Variants in EPB41L4A observed in about 807,000 individuals in gnomAD.
The protein encoded by EPB41L4A is erythrocyte membrane protein band 4.1 like 4A.
A neutral mutation model predicts 108.6 loss-of-function variants in EPB41L4A; 100 were observed. The observed-to-expected ratio is 0.92, with a 90% CI of 0.78 to 1.09. The LOEUF is 1.09. Among genes scored for constraint, EPB41L4A ranks in the 50% least tolerant of loss-of-function variants. The pLI, the probability that EPB41L4A is intolerant of heterozygous loss-of-function variation, is 0.00. For synonymous variants in EPB41L4A, 319 were observed against 289.0 expected, an observed-to-expected ratio of 1.10 and a Z score of -1.05; for missense variants, 1,030 against 842.7, an observed-to-expected ratio of 1.22 and a Z score of -2.75.
chr5:112,190,891 A>AG (rs1390587365), intron 17 of EPB41L4A, among the ~76,000 whole-genome samples: 1 of 151,970 alleles, frequency 6.6e-6, no homozygotes, highest in East Asian at 1.9e-4. Context: ...GAAGAAAGAA[A>AG]AAAGACTGGA....
chr5:112,291,496 TTGGGAG>T (rs1426925055), intron 2 of EPB41L4A, among the ~76,000 whole-genome samples: 1 of 152,218 alleles, frequency 6.6e-6, no homozygotes, highest in Non-Finnish European at 1.5e-5. Flanking sequence ...TGTTGAAATG[TTGGGAG>T]TGTTAGGCCT....
chr5:112,271,270 A>C (rs1404072946), intron 4 of EPB41L4A, among the ~76,000 whole-genome samples: 2 of 152,212 alleles, frequency 1.3e-5, no homozygotes, highest in Non-Finnish European at 2.9e-5. Flanking sequence ...ATGCAAGAAG[A>C]CCTATCTCAG....
At chr5:112,218,246 G>C (rs1333681237) in intron 12 of EPB41L4A, among the ~76,000 whole-genome samples, 2 of 152,222 alleles carry the variant, frequency 1.3e-5, no homozygotes, top group Non-Finnish European at 2.9e-5. Flanking sequence ...AGCGTGGAAA[G>C]ACTGCCAGAT....
chr5:112,178,805 T>C (rs1341784575), intron 18 of EPB41L4A, among the ~76,000 whole-genome samples: 1 of 151,868 alleles, frequency 6.6e-6, no homozygotes, highest in Non-Finnish European at 1.5e-5. Flanking sequence ...TATGCTTATA[T>C]TGGAAAAGTA....
chr5:112,240,659 TA>T, intron 10 of EPB41L4A, 59 bp downstream of exon 10: 1 of 952,156 alleles, frequency 1.1e-6, no homozygotes, highest in South Asian at 1.6e-5. Context: ...ATTCTTTTTA[TA>T]AAAATAAATG....
intron 15 of EPB41L4A, among the ~76,000 whole-genome samples, chr5:112,198,632 G>T (rs1308738946): frequency 6.6e-6 from 1 of 151,876 alleles, no homozygotes; most frequent in Non-Finnish European, 1.5e-5. Context: ...TTGAATGTTT[G>T]ATATCTAGGT....
intron 1 of EPB41L4A, among the ~76,000 whole-genome samples, chr5:112,312,597 T>C (rs1015207340): frequency 1.3e-5 from 2 of 152,182 alleles, no homozygotes; most frequent in Admixed American, 1.3e-4. Context: ...TGAAAACCTC[T>C]TAACTTTTCA....
intron 1 of EPB41L4A, among the ~76,000 whole-genome samples, chr5:112,354,998 AG>A (rs1369547978): frequency 6.6e-6 from 1 of 152,142 alleles, no homozygotes. Context: ...AAAAGGAGGA[AG>A]GGGGAAAAAA....
chr5:112,161,820 C>T (rs1759925517), downstream of EPB41L4A: 2 of 297,022 alleles, frequency 6.7e-6, no homozygotes, highest in African/African-American at 2.2e-5. Flanking sequence ...GAATTTTTAT[C>T]ACCTTTTAAA....
Position 112,185,613 on chromosome 5 carries a change from A to G in EPB41L4A, c.1503-1478T>C, listed in dbSNP as rs1376806809. 1.2e-4 allele frequency among the ~76,000 whole-genome samples: 19 copies of G among 152,200 alleles called. 1 individual carries two copies. The highest frequency in any genetic ancestry group is 1.8e-4 in the Non-Finnish European group (12 of 68,030). On this transcript the variant is annotated intron_variant, in intron 17 of 22. Transcript: ENST00000261486. ...AAGTTTTCATTTTTAATAGGCTATT[A>G]TTTGAAGATTAACAGGATACTGTCA... is the stretch of plus-strand genomic sequence containing the variant.
Position 112,347,635 on chromosome 5 carries a change from T to C in EPB41L4A, c.100-40145A>G, listed in dbSNP as rs116310604. ...TATTCACCCGGTAACAGAATTCTCT[T>C]CTTCCTCCCTTTCACTGTCTGAGCT... On this transcript the variant is annotated intron_variant, in intron 1 of 22. Transcript: ENST00000261486. 2.5e-3 allele frequency among the ~76,000 whole-genome samples: 377 copies of C among 152,348 alleles called. 3 individuals carry two copies. Among genetic ancestry groups the C allele is most frequent in the African/African-American group, 8.4e-3 (351 of 41,580 alleles).
chr5:112,259,178 A>C, intron 9 of EPB41L4A, 51 bp downstream of exon 9: 2 of 1,365,868 alleles, frequency 1.5e-6, no homozygotes, highest in Non-Finnish European at 2.1e-6. Context: ...GCTACAAATG[A>C]ACACACAAGA....
At chr5:112,405,605 A>G (rs940258061) in intron 1 of EPB41L4A, among the ~76,000 whole-genome samples, 1 of 152,154 alleles carries the variant, frequency 6.6e-6, no homozygotes, top group Non-Finnish European at 1.5e-5. Flanking sequence ...CATACATTAC[A>G]TTACCACCCT....
Position 112,170,125 on chromosome 5 carries a change from G to T in EPB41L4A, c.1739+176C>A, listed in dbSNP as rs149480296. On this transcript the variant is annotated intron_variant, in intron 20 of 22. Coordinates refer to ENST00000261486, the MANE Select transcript of EPB41L4A (RefSeq NM_022140.5). The stretch of plus-strand genomic sequence containing the variant: ...CTAATAAGAGATGATAGTGATTATA[G>T]TGTAGAATAAGTAGCTTTAATGCAC... The T allele has an allele frequency of 2.2e-5, 14 of 628,136 alleles. No homozygotes were observed. In the Admixed American group the frequency reaches 4.0e-4, roughly 18 times the overall value. The allele number at this position is 628,136 out of a possible 1,614,324, so 38.9% of individuals were successfully genotyped here.
At chr5:112,418,855 G>C (rs980406591) in intron 1 of EPB41L4A, 86 bp downstream of exon 1, 3 of 1,056,936 alleles carry the variant, frequency 2.8e-6, no homozygotes, top group African/African-American at 3.2e-5. Flanking sequence ...CGCCGCCCTC[G>C]ACCCACCGGT....
chr5:112,353,840 C>G (rs1008779600), intron 1 of EPB41L4A, among the ~76,000 whole-genome samples: 6 of 152,232 alleles, frequency 3.9e-5, no homozygotes, highest in African/African-American at 1.4e-4. Flanking sequence ...CCTAGGACAA[C>G]AGATGGGACA....
intron 19 of EPB41L4A, 84 bp downstream of exon 19, chr5:112,170,861 G>C (rs904658909): frequency 8.3e-7 from 1 of 1,209,358 alleles, no homozygotes; most frequent in African/African-American, 1.5e-5. Context: ...CGCTGAAGTT[G>C]CCTCTCAGTA....
At chr5:112,215,778 C>CA (rs775263231) in intron 12 of EPB41L4A, among the ~76,000 whole-genome samples, 7,860 of 99,040 alleles carry the variant, frequency 0.079, 269 homozygotes, top group East Asian at 0.15. Flanking sequence ...AAAAAAAAAA[C>CA]AAAAAAAACA....
intron 12 of EPB41L4A, among the ~76,000 whole-genome samples, chr5:112,213,136 T>C (rs1747334527): frequency 6.6e-6 from 1 of 152,208 alleles, no homozygotes; most frequent in African/African-American, 2.4e-5. Context: ...ATGTGAGTGC[T>C]CTTTGTCACA....
Sources: allele counts gnomAD v4.1 joint callset (sites outside exome capture counted in the v4.1 genomes callset), GRCh38; gene constraint gnomAD v4.1.1; transcripts MANE v1.5; gene names NCBI Gene and HGNC (gene_info 2026-07-23, HGNC 2026-07-21).